SDK1: variants seen among roughly 807,000 people sequenced by gnomAD.
The protein encoded by SDK1 is protein sidekick-1.
A neutral mutation model predicts 245.5 loss-of-function variants in SDK1; 157 were observed. The observed-to-expected ratio is 0.64, with a 90% CI of 0.56 to 0.73. The LOEUF (loss-of-function observed/expected upper bound fraction) is 0.73. Ranked by LOEUF, SDK1 falls within the 30% of genes least tolerant of loss-of-function variation. SDK1 has a pLI of 0.00. For missense variants in SDK1, 3,583 were observed against 3,002.3 expected (o/e 1.19, Z -4.52); for synonymous variants, 1,647 against 1,278.5 (o/e 1.29, Z -6.15).
chr7:4,174,753 G>A (rs1292871389), intron 33 of SDK1, among the ~76,000 whole-genome samples: 8 of 152,136 alleles, frequency 5.3e-5, no homozygotes, highest in South Asian at 2.1e-4. Context: ...CAGCCTCAGC[G>A]TGGAGCCCAT....
intron 5 of SDK1, among the ~76,000 whole-genome samples, chr7:3,950,389 T>C (rs1057304370): frequency 3.3e-5 from 5 of 152,254 alleles, no homozygotes; most frequent in Admixed American, 3.3e-4. Context: ...CCTTTCACTT[T>C]CTGTGGTTTC....
chr7:4,216,976 CGG>C (rs1784833287), intron 38 of SDK1, among the ~76,000 whole-genome samples: 2 of 149,132 alleles, frequency 1.3e-5, no homozygotes, highest in Non-Finnish European at 3.0e-5. Context: ...CCAGGCCACC[CGG>C]AGCACCACAC....
intron 1 of SDK1, among the ~76,000 whole-genome samples, chr7:3,321,617 T>G (rs1222146849): frequency 6.6e-6 from 1 of 152,188 alleles, no homozygotes; most frequent in Non-Finnish European, 1.5e-5. Context: ...ACATTCTTCA[T>G]GTTTTCGCAA....
chr7:4,046,017 C>T (rs1244915187), intron 17 of SDK1, among the ~76,000 whole-genome samples: 1 of 152,022 alleles, frequency 6.6e-6, no homozygotes, highest in African/African-American at 2.4e-5. Flanking sequence ...CAGCCTCACA[C>T]TCCTGGGGTC....
At position 3,885,139 on chromosome 7, in the gene SDK1, G is replaced by C. The variant is rs545074917; in HGVS notation, c.847+63556G>C. Reference sequence around the variant, plus strand: ...CCCTAAGGCTGTTCTGGTAATTCGGGAATGAGGGATGTCCACAACGCGAGG... The same window carrying C: ...CCCTAAGGCTGTTCTGGTAATTCGGCAATGAGGGATGTCCACAACGCGAGG... On this transcript the variant is annotated intron_variant, in intron 5 of 44. Transcript: ENST00000404826. Among the ~76,000 whole-genome samples the C allele has an allele frequency of 2.6e-4, 40 of 152,252 alleles. 1 individual carries two copies. The highest frequency in any genetic ancestry group is 9.1e-4 in the African/African-American group (38 of 41,552).
intron 4 of SDK1, among the ~76,000 whole-genome samples, chr7:3,722,384 A>G (rs1447221564): frequency 6.6e-6 from 1 of 152,164 alleles, no homozygotes; most frequent in African/African-American, 2.4e-5. Context: ...GCCGCAAGGA[A>G]GGGGCACCCT....
At chr7:3,455,127 T>C (rs1780631314) in intron 1 of SDK1, among the ~76,000 whole-genome samples, 1 of 152,158 alleles carries the variant, frequency 6.6e-6, no homozygotes, top group Non-Finnish European at 1.5e-5. Flanking sequence ...GTCCATTTTG[T>C]AATTGGATTT....
chr7:3,591,366 A>G (rs1020941686), intron 1 of SDK1, among the ~76,000 whole-genome samples: 1 of 152,202 alleles, frequency 6.6e-6, no homozygotes, highest in African/African-American at 2.4e-5. Flanking sequence ...TTAATTTAGT[A>G]CTTTCATCTG....
chr7:4,074,751 T>C (rs981018529), intron 20 of SDK1, among the ~76,000 whole-genome samples: 6 of 150,670 alleles, frequency 4.0e-5, no homozygotes, highest in Non-Finnish European at 8.8e-5. Flanking sequence ...TAGTACCAGC[T>C]ACTTGAGAGA....
At chr7:3,589,806 A>C (rs1301305247) in intron 1 of SDK1, among the ~76,000 whole-genome samples, 1 of 152,240 alleles carries the variant, frequency 6.6e-6, no homozygotes, top group African/African-American at 2.4e-5. Context: ...GCTGCAATTC[A>C]AGATGAGATT....
chr7:3,342,079 A>T (rs1780362868), intron 1 of SDK1, among the ~76,000 whole-genome samples: 1 of 152,222 alleles, frequency 6.6e-6, no homozygotes, highest in African/African-American at 2.4e-5. Flanking sequence ...TGGAACAGAG[A>T]ACTAAAAAAA....
chr7:4,032,612 G>T (rs1177927229), intron 17 of SDK1, among the ~76,000 whole-genome samples: 1 of 138,804 alleles, frequency 7.2e-6, no homozygotes, highest in Non-Finnish European at 1.5e-5. Flanking sequence ...GAGCAATAAA[G>T]AATTTAGCAA....
At chr7:3,883,875 C>T (rs1781268573) in intron 5 of SDK1, among the ~76,000 whole-genome samples, 1 of 152,186 alleles carries the variant, frequency 6.6e-6, no homozygotes, top group Non-Finnish European at 1.5e-5. Context: ...TTCACTCAAA[C>T]GTCCACATGG....
chr7:3,731,701 G>A (rs546759525), intron 4 of SDK1, among the ~76,000 whole-genome samples: 1 of 152,284 alleles, frequency 6.6e-6, no homozygotes, highest in Admixed American at 6.5e-5. Flanking sequence ...AATACAGCAT[G>A]TTCAGAAGAA....
intron 1 of SDK1, among the ~76,000 whole-genome samples, chr7:3,494,489 T>A (rs996298337): frequency 6.6e-6 from 1 of 152,096 alleles, no homozygotes; most frequent in Non-Finnish European, 1.5e-5. Context: ...GTGAAAGAAT[T>A]TTTTTTGTTT....
intron 42 of SDK1, among the ~76,000 whole-genome samples, chr7:4,238,400 A>G (rs567217500): frequency 4.6e-4 from 70 of 151,836 alleles, no homozygotes; most frequent in Non-Finnish European, 6.6e-4. Context: ...TTTTAATAGT[A>G]TTAGAAAGTG....
chr7:4,092,397 G>A (rs569583631), intron 22 of SDK1, among the ~76,000 whole-genome samples: 1 of 152,296 alleles, frequency 6.6e-6, no homozygotes, highest in Admixed American at 6.5e-5. Context: ...CCTGGTCCAG[G>A]CAGGCTCCAG....
chr7:3,775,378 G>A (rs1376351385), intron 4 of SDK1, among the ~76,000 whole-genome samples: 3 of 151,868 alleles, frequency 2.0e-5, no homozygotes, highest in African/African-American at 7.2e-5. Context: ...AGCAGATTGT[G>A]GCTTTGTTTT....
chr7:3,720,247 C>T (rs1363448248), intron 4 of SDK1, among the ~76,000 whole-genome samples: 1 of 151,936 alleles, frequency 6.6e-6, no homozygotes, highest in African/African-American at 2.4e-5. Flanking sequence ...CAGAGCGAGA[C>T]TCTGTGTCAA....
Sources: allele counts gnomAD v4.1 joint callset (sites outside exome capture counted in the v4.1 genomes callset), GRCh38; gene constraint gnomAD v4.1.1; transcripts MANE v1.5; gene names NCBI Gene and HGNC (gene_info 2026-07-23, HGNC 2026-07-21).